PDE11A: variants seen among roughly 807,000 people sequenced by gnomAD.
PDE11A encodes the protein dual 3',5'-cyclic-AMP and -GMP phosphodiesterase 11A.
A neutral mutation model predicts 100.5 loss-of-function variants in PDE11A; 100 were observed. That is an observed-to-expected ratio of 1.00 (90% CI 0.85 to 1.18). PDE11A has a LOEUF of 1.18. PDE11A is among the 50% of genes most tolerant of loss of function. PDE11A has a pLI of 0.00. For missense variants in PDE11A, 1,141 were observed against 1,152.6 expected (o/e 0.99, Z 0.15); for synonymous variants, 381 against 420.8 (o/e 0.91, Z 1.16).
chr2:177,657,331 T>G lies in PDE11A; in HGVS notation c.2646+6535A>C, dbSNP rs540950871. On this transcript the variant is annotated intron_variant, in intron 19 of 19. Coordinates refer to ENST00000286063, the MANE Select transcript of PDE11A (RefSeq NM_016953.4). ...CTGTTTGAATGGTGATGCCTGGGGC[T>G]CCTCTCCCGTCATCTCAGTAGGCTT... Among the ~76,000 whole-genome samples the G allele has an allele frequency of 4.6e-4, 70 of 152,332 alleles. 1 individual carries two copies. In the South Asian group the frequency reaches 6.4e-3, roughly 14 times the overall value.
intron 12 of PDE11A, among the ~76,000 whole-genome samples, chr2:177,726,224 G>T (rs924889812): frequency 1.3e-5 from 2 of 152,104 alleles, no homozygotes; most frequent in Non-Finnish European, 2.9e-5. Context: ...TCCCAGGCCA[G>T]TCTGCCTGTT....
intron 2 of PDE11A, among the ~76,000 whole-genome samples, chr2:177,926,169 A>T (rs926361100): frequency 2.0e-5 from 3 of 152,220 alleles, no homozygotes; most frequent in African/African-American, 7.2e-5. Flanking sequence ...TTTTGCCAAC[A>T]TCTCATAGAT....
intron 19 of PDE11A, among the ~76,000 whole-genome samples, chr2:177,660,626 A>G (rs2080472768): frequency 6.6e-6 from 1 of 152,186 alleles, no homozygotes; most frequent in Admixed American, 6.5e-5. Flanking sequence ...GCTATCAGAG[A>G]TAAGAGTTTC....
chr2:178,079,247 T>A (rs141983913), intron 2 of PDE11A, among the ~76,000 whole-genome samples: 1 of 152,296 alleles, frequency 6.6e-6, no homozygotes, highest in African/African-American at 2.4e-5. Context: ...CACCTAGGTA[T>A]TAAGCCCAGC....
intron 2 of PDE11A, among the ~76,000 whole-genome samples, chr2:178,009,196 C>G (rs1420150031): frequency 6.6e-6 from 1 of 152,116 alleles, no homozygotes; most frequent in Non-Finnish European, 1.5e-5. Context: ...AAAATAATAC[C>G]TTCCATCAAT....
chr2:177,942,751 C>T (rs922141724), intron 2 of PDE11A, among the ~76,000 whole-genome samples: 11 of 152,166 alleles, frequency 7.2e-5, no homozygotes, highest in Non-Finnish European at 1.5e-5. Context: ...AATTTACCAT[C>T]TTAACCATTT....
At chr2:177,722,424 T>A (rs892712336) in intron 12 of PDE11A, among the ~76,000 whole-genome samples, 2 of 152,168 alleles carry the variant, frequency 1.3e-5, no homozygotes, top group Non-Finnish European at 2.9e-5. Flanking sequence ...GATTGGATTA[T>A]CCTTCTGCCC....
chr2:177,761,805 T>A (rs897176191), intron 10 of PDE11A, among the ~76,000 whole-genome samples: 1 of 152,160 alleles, frequency 6.6e-6, no homozygotes, highest in East Asian at 1.9e-4. Flanking sequence ...GATAGCTCAG[T>A]GGGAGCATGG....
intron 9 of PDE11A, among the ~76,000 whole-genome samples, chr2:177,795,129 C>T (rs753548548): frequency 6.6e-6 from 1 of 152,158 alleles, no homozygotes. Context: ...ATTCTTATTT[C>T]ATTCTACGGG....
chr2:178,088,845 A>G (rs967693581), intron 2 of PDE11A, among the ~76,000 whole-genome samples: 4 of 152,226 alleles, frequency 2.6e-5, no homozygotes, highest in African/African-American at 9.6e-5. Context: ...TCTGATTAAC[A>G]TGAATCCTTT....
intron 12 of PDE11A, among the ~76,000 whole-genome samples, chr2:177,714,906 G>C (rs1219732662): frequency 6.6e-6 from 1 of 152,102 alleles, no homozygotes; most frequent in East Asian, 1.9e-4. Context: ...CCTGGGGTCT[G>C]GTCTGGATTC....
intron 2 of PDE11A, among the ~76,000 whole-genome samples, chr2:177,926,583 A>G (rs1033544278): frequency 2.0e-5 from 3 of 151,922 alleles, no homozygotes; most frequent in African/African-American, 7.3e-5. Flanking sequence ...GAGATACAGC[A>G]AGTTTCAGAT....
At chr2:177,895,236 C>G (rs1325783874) in intron 4 of PDE11A, among the ~76,000 whole-genome samples, 1 of 151,882 alleles carries the variant, frequency 6.6e-6, no homozygotes, top group Non-Finnish European at 1.5e-5. Flanking sequence ...CACAAGGTAA[C>G]AGAAACAATT....
chr2:178,097,294 A>C (rs2087506521), intron 2 of PDE11A, among the ~76,000 whole-genome samples: 1 of 152,238 alleles, frequency 6.6e-6, no homozygotes, highest in African/African-American at 2.4e-5. Flanking sequence ...GAGACTAGGT[A>C]ATTTATAAAG....
chr2:177,684,822 A>G (rs1041249173), intron 15 of PDE11A, among the ~76,000 whole-genome samples: 1 of 152,212 alleles, frequency 6.6e-6, no homozygotes, highest in Non-Finnish European at 1.5e-5. Context: ...GGTTTCACAG[A>G]TGGTGAGTGG....
chr2:177,655,505 C>T (rs1295750187), intron 19 of PDE11A, among the ~76,000 whole-genome samples: 1 of 152,158 alleles, frequency 6.6e-6, no homozygotes, highest in Non-Finnish European at 1.5e-5. Context: ...CTCAGAACTT[C>T]TTCCTGCCCA....
chr2:178,053,683 T>A (rs1181093847), intron 1 of PDE11A, among the ~76,000 whole-genome samples: 1 of 152,192 alleles, frequency 6.6e-6, no homozygotes, highest in African/African-American at 2.4e-5. Flanking sequence ...ACAACATCAA[T>A]GTTCAAAAAT....
chr2:177,857,667 A>AAATGTAAAT (rs1311628979), intron 5 of PDE11A, among the ~76,000 whole-genome samples: 2 of 152,114 alleles, frequency 1.3e-5, no homozygotes, highest in South Asian at 4.1e-4. Flanking sequence ...CAGAAAAGGC[A>AAATGTAAAT]AATGTAAATC....
chr2:177,766,161 T>C (rs538648524), intron 10 of PDE11A, among the ~76,000 whole-genome samples: 2 of 151,922 alleles, frequency 1.3e-5, no homozygotes, highest in African/African-American at 4.8e-5. Flanking sequence ...GGTGGGGGTG[T>C]GGGAATGGTT....
Sources: allele counts gnomAD v4.1 joint callset (sites outside exome capture counted in the v4.1 genomes callset), GRCh38; gene constraint gnomAD v4.1.1; transcripts MANE v1.5; gene names NCBI Gene and HGNC (gene_info 2026-07-23, HGNC 2026-07-21).